Variants in GABRB3 observed in about 807,000 individuals in gnomAD.
The protein encoded by GABRB3 is gamma-aminobutyric acid receptor subunit beta-3.
GABRB3 carries 14 observed loss-of-function variants against 52.1 expected under a neutral mutation model. The ratio of observed to expected loss-of-function variants is 0.27; its 90% CI spans 0.18 to 0.42. GABRB3 has a LOEUF of 0.42. Among genes scored for constraint, GABRB3 ranks in the 10% least tolerant of loss-of-function variants. The pLI is 1.00. For synonymous variants in GABRB3, 260 were observed against 232.3 expected (o/e 1.12, Z -1.08); for missense variants, 307 against 609.1 (o/e 0.50, Z 5.22).
chr15:26,547,955 G>A lies in GABRB3; in HGVS notation c.1260C>T (p.Ser420=), dbSNP rs1889318853. The part of the protein sequence containing the change: ...EGHGRFLGDR[S]LPHKKTHLRR... ...GTAGATGGGTCTTCTTGTGCGGGAG[G>A]CTTCTGTCCCCCAGGAATCGCCCAT... The change falls in exon 9 of 9, where the codon AGC becomes AGT. Residue 420 remains serine (S), a synonymous_variant. Transcript: ENST00000311550. 6.2e-7 allele frequency: 1 copy of A among 1,614,192 alleles called. No homozygotes were observed. The highest frequency in any genetic ancestry group is 8.5e-7 in the Non-Finnish European group (1 of 1,180,046).
chr15:26,589,431 C>G (rs866064887), intron 4 of GABRB3, among the ~76,000 whole-genome samples: 2 of 152,162 alleles, frequency 1.3e-5, no homozygotes, highest in African/African-American at 4.8e-5. Context: ...CAGCAATGCA[C>G]ACAATCTCTT....
chr15:26,709,445 G>A (rs561792185), intron 3 of GABRB3, among the ~76,000 whole-genome samples: 28 of 151,554 alleles, frequency 1.8e-4, no homozygotes, highest in Non-Finnish European at 3.5e-4. Flanking sequence ...ACAAGATGCT[G>A]ATGGTGCCAT....
intron 3 of GABRB3, among the ~76,000 whole-genome samples, chr15:26,696,236 A>AT (rs894103337): frequency 1.3e-4 from 19 of 151,446 alleles, no homozygotes; most frequent in East Asian, 7.8e-4. Context: ...CACATACTTT[A>AT]TTTTTTTTTA....
rs781038549 is a variant in GABRB3, at chr15:26,628,945, G to T, written c.241-7411C>A. 3.3e-6 allele frequency: 5 copies of T among 1,534,202 alleles called. No individual in the cohort carries two copies. The South Asian group carries it at 6.0e-5, about 18-fold the overall frequency. On this transcript the variant is annotated intron_variant, in intron 3 of 8. Transcript: ENST00000311550. Reference sequence around the variant, plus strand: ...GTGCAAGAGCGCCTCCACTCCTTGTGACTGCCGAGAGCCCGCGTCCCCGAC... The same window carrying T: ...GTGCAAGAGCGCCTCCACTCCTTGTTACTGCCGAGAGCCCGCGTCCCCGAC...
chr15:26,606,817 G>GATCTATCTATCGATAGATAT (rs1891847460), intron 4 of GABRB3, among the ~76,000 whole-genome samples: 2 of 12,948 alleles, frequency 1.5e-4, no homozygotes, highest in Non-Finnish European at 6.3e-4. Flanking sequence ...TAGATAGATA[G>GATCTATCTATCGATAGATAT]ATAGATAGAT....
Position 26,558,924 on chromosome 15 carries a change from G to A in GABRB3, c.1080+2008C>T, listed in dbSNP as rs1224619756. On this transcript the variant is annotated intron_variant, in intron 8 of 8. Transcript: ENST00000311550. Reference sequence around the variant, plus strand: ...GTTTAACTGGATCACAGTTCTGCAAGCTGTACAGGAAGCATGGTGCTGGCA... The same window carrying A: ...GTTTAACTGGATCACAGTTCTGCAAACTGTACAGGAAGCATGGTGCTGGCA... 3.9e-5 allele frequency among the ~76,000 whole-genome samples: 6 copies of A among 152,268 alleles called. No homozygotes were observed. In the East Asian group the frequency reaches 1.2e-3, roughly 29 times the overall value.
At chr15:26,688,175 C>A (rs1045206368) in intron 3 of GABRB3, among the ~76,000 whole-genome samples, 1 of 152,292 alleles carries the variant, frequency 6.6e-6, no homozygotes, top group East Asian at 1.9e-4. Flanking sequence ...ATATCCAATA[C>A]CTTTTTCTCC....
intron 3 of GABRB3, among the ~76,000 whole-genome samples, chr15:26,771,425 A>G (rs952278860): frequency 1.3e-5 from 2 of 152,316 alleles, no homozygotes; most frequent in East Asian, 3.9e-4. Flanking sequence ...ATCTAAAACC[A>G]TGTCTCACTG....
intron 3 of GABRB3, among the ~76,000 whole-genome samples, chr15:26,710,450 T>C (rs1309595626): frequency 6.6e-6 from 1 of 152,070 alleles, no homozygotes; most frequent in African/African-American, 2.4e-5. Context: ...TTAGTAGAGA[T>C]GGGGTTTCTC....
chr15:26,760,424 C>T (rs1447097387), intron 3 of GABRB3, among the ~76,000 whole-genome samples: 1 of 152,108 alleles, frequency 6.6e-6, no homozygotes, highest in Non-Finnish European at 1.5e-5. Context: ...GCTCTTACAC[C>T]TCAGATTTTC....
At chr15:26,552,617 C>A (rs1889519364) in intron 8 of GABRB3, among the ~76,000 whole-genome samples, 1 of 152,170 alleles carries the variant, frequency 6.6e-6, no homozygotes, top group Admixed American at 6.5e-5. Context: ...GAAGGGGTAA[C>A]CTGAACCTGC....
intron 8 of GABRB3, among the ~76,000 whole-genome samples, chr15:26,558,411 G>A (rs573891064): frequency 5.3e-5 from 8 of 152,280 alleles, no homozygotes; most frequent in Non-Finnish European, 7.3e-5. Flanking sequence ...TACTGTGTTC[G>A]CTGGGAGGTG....
intron 4 of GABRB3, among the ~76,000 whole-genome samples, chr15:26,607,851 T>G (rs969055795): frequency 1.3e-5 from 2 of 152,026 alleles, no homozygotes; most frequent in Non-Finnish European, 2.9e-5. Context: ...GAAATATATC[T>G]GTATTAGAAG....
chr15:26,749,700 A>C (rs1041506038), intron 3 of GABRB3, among the ~76,000 whole-genome samples: 2 of 152,142 alleles, frequency 1.3e-5, no homozygotes, highest in African/African-American at 4.8e-5. Flanking sequence ...GCATTATCAA[A>C]AAGTTTTTTG....
rs780056442 is a variant in GABRB3 at position 26,580,452 on chromosome 15, G to A, written c.549C>T (p.Gly183=). Residue 183 remains glycine, a synonymous_variant, in exon 6 of 9, where the codon GGC becomes GGT. Coordinates refer to ENST00000311550, the MANE Select transcript of GABRB3 (RefSeq NM_000814.6). ...AAAACTCAATGTCATCCGTGGTGTA[G>A]CCATCTGCCAAGAGAGAAGCAGGGA... ...QNCTLEIESY[G]YTTDDIEFYW... 2.4e-5 allele frequency: 38 copies of A among 1,614,046 alleles called. No individual in the cohort carries two copies. Among genetic ancestry groups the A allele is most frequent in the Non-Finnish European group, 3.2e-5 (38 of 1,180,048 alleles).
intron 3 of GABRB3, among the ~76,000 whole-genome samples, chr15:26,761,968 G>C (rs1297479408): frequency 2.0e-5 from 3 of 152,112 alleles, no homozygotes. Context: ...GAGCAGCTGG[G>C]ATTACAGGAG....
At chr15:26,614,673 A>G (rs188094416) in intron 4 of GABRB3, 14 of 152,336 alleles carry the variant, frequency 9.2e-5, no homozygotes, top group African/African-American at 2.9e-4. Flanking sequence ...TCTGAGGAGA[A>G]AAGTATTTTA....
At chr15:26,680,247 G>C (rs1017592013) in intron 3 of GABRB3, among the ~76,000 whole-genome samples, 1 of 152,200 alleles carries the variant, frequency 6.6e-6, no homozygotes. Context: ...GCAGATTTCA[G>C]AATTGCCAGG....
intron 3 of GABRB3, among the ~76,000 whole-genome samples, chr15:26,632,983 C>T (rs1041903775): frequency 6.6e-6 from 1 of 152,100 alleles, no homozygotes; most frequent in African/African-American, 2.4e-5. Flanking sequence ...TATTAGCTGC[C>T]CCCAGCCCCC....
Sources: allele counts gnomAD v4.1 joint callset (sites outside exome capture counted in the v4.1 genomes callset), GRCh38; gene constraint gnomAD v4.1.1; transcripts MANE v1.5; gene names NCBI Gene and HGNC (gene_info 2026-07-23, HGNC 2026-07-21).